Variants in ETV1 observed in about 807,000 individuals in gnomAD.
ETV1 encodes the protein ETS variant transcription factor 1.
ETV1 carries 27 observed loss-of-function variants against 62.3 expected under a neutral mutation model. That is an observed-to-expected ratio of 0.43 (90% confidence interval 0.32 to 0.60). The LOEUF (loss-of-function observed/expected upper bound fraction) is 0.60, where lower values mean the gene tolerates loss of function less well. Among genes scored for constraint, ETV1 ranks in the 20% least tolerant of loss-of-function variants. The pLI, the probability that ETV1 is intolerant of heterozygous loss-of-function variation, is 0.06. For synonymous variants in ETV1, 222 were observed against 199.6 expected, an observed-to-expected ratio of 1.11 and a Z score of -0.94; for missense variants, 605 against 605.8, an observed-to-expected ratio of 1.00 and a Z score of 0.01.
chr7:13,932,423 T>G (rs1786294976), intron 8 of ETV1, among the ~76,000 whole-genome samples: 1 of 152,160 alleles, frequency 6.6e-6, no homozygotes, highest in Non-Finnish European at 1.5e-5. Flanking sequence ...CATATTGGCT[T>G]CCAATAGATT....
intron 6 of ETV1, among the ~76,000 whole-genome samples, chr7:13,972,928 A>C (rs1781049411): frequency 6.6e-6 from 1 of 152,112 alleles, no homozygotes; most frequent in African/African-American, 2.4e-5. Flanking sequence ...ACTTATTTTT[A>C]ATGCCTATAC....
At chr7:13,971,288 A>C (rs1780883055) in intron 6 of ETV1, among the ~76,000 whole-genome samples, 1 of 152,072 alleles carries the variant, frequency 6.6e-6, no homozygotes, top group East Asian at 1.9e-4. Flanking sequence ...TATTCTTAAA[A>C]CCAGAAATTC....
chr7:13,942,569 T>C (rs1787679618), intron 6 of ETV1, among the ~76,000 whole-genome samples: 1 of 152,036 alleles, frequency 6.6e-6, no homozygotes, highest in South Asian at 2.1e-4. Context: ...CCACCCTCCA[T>C]CCTCAAGTAG....
chr7:13,895,485 T>C lies in ETV1; in HGVS notation c.*381A>G. On this transcript the variant is annotated 3_prime_UTR_variant, in exon 14 of 14. Coordinates refer to ENST00000430479, the MANE Select transcript of ETV1 (RefSeq NM_004956.5). ...TATTTACACAACGTGAAATTAACTG[T>C]ACCATAGATACCCCGATAAAATAAA... 3.8e-6 allele frequency: 1 copy of C among 259,948 alleles called. No homozygotes were observed. The highest frequency in any genetic ancestry group is 7.5e-6 in the Non-Finnish European group (1 of 133,188). 16.1% of individuals were successfully genotyped at this position (259,948 alleles called of 1,614,324 possible). A position where few individuals can be genotyped will look rare whatever the true frequency, so the allele number is the denominator to read the frequency against.
intron 5 of ETV1, among the ~76,000 whole-genome samples, chr7:13,981,775 C>T (rs1782016559): frequency 1.3e-5 from 2 of 151,950 alleles, no homozygotes; most frequent in Non-Finnish European, 2.9e-5. Context: ...TAGCATTTCT[C>T]TTTGAATCAA....
At chr7:13,985,879 C>T (rs544845062) in intron 5 of ETV1, among the ~76,000 whole-genome samples, 5 of 152,078 alleles carry the variant, frequency 3.3e-5, no homozygotes, top group East Asian at 1.9e-4. Context: ...AAGTTGCATA[C>T]GATAAAAGAT....
At chr7:13,949,938 ATGCCAC>A (rs1788605163) in intron 6 of ETV1, among the ~76,000 whole-genome samples, 1 of 152,176 alleles carries the variant, frequency 6.6e-6, no homozygotes, top group African/African-American at 2.4e-5. Flanking sequence ...TAAAACAAAA[ATGCCAC>A]CAAGTTTTAA....
At chr7:13,952,247 A>G (rs1312051438) in intron 6 of ETV1, among the ~76,000 whole-genome samples, 1 of 152,146 alleles carries the variant, frequency 6.6e-6, no homozygotes, top group Non-Finnish European at 1.5e-5. Flanking sequence ...CCTAATCTGC[A>G]AGCTGAAGCC....
At chr7:13,981,592 T>C (rs1782001766) in intron 5 of ETV1, among the ~76,000 whole-genome samples, 1 of 151,934 alleles carries the variant, frequency 6.6e-6, no homozygotes, top group Non-Finnish European at 1.5e-5. Flanking sequence ...GAGTAACTTG[T>C]TACAGAAACT....
At chr7:13,989,177 A>AAC in intron 2 of ETV1, 38 bp from the exon 3 acceptor site, 1 of 756,404 alleles carries the variant, frequency 1.3e-6, no homozygotes, top group South Asian at 1.8e-5. Flanking sequence ...CTTAAAAAAA[A>AAC]ATCATGAATG....
At chr7:13,940,827 A>T (rs537917947) in intron 6 of ETV1, among the ~76,000 whole-genome samples, 1 of 152,314 alleles carries the variant, frequency 6.6e-6, no homozygotes, top group African/African-American at 2.4e-5. Context: ...TCAGGAAAAC[A>T]AATACTATTT....
At chr7:13,975,054 A>G (rs943878695) in intron 6 of ETV1, 5 of 152,256 alleles carry the variant, frequency 3.3e-5, no homozygotes, top group Non-Finnish European at 7.3e-5. Context: ...GTGCTGACCA[A>G]TACAGTAGCC....
At position 13,986,795 on chromosome 7, in the gene ETV1, A is replaced by G. The variant is rs569377317; in HGVS notation, c.134-110T>C. On this transcript the variant is annotated intron_variant, in intron 4 of 13. Coordinates refer to ENST00000430479, the MANE Select transcript of ETV1 (RefSeq NM_004956.5). ...TTAAATATAAATTTAATTTCAAGAG[A>G]CGCAGTCAACATAAAAATAAAAAAA... The G allele has an allele frequency of 8.5e-4, 690 of 808,538 alleles. 2 individuals are homozygous for G. Among genetic ancestry groups the G allele is most frequent in the Non-Finnish European group, 1.1e-4 (59 of 521,890 alleles). 50.1% of individuals were successfully genotyped at this position (808,538 alleles called of 1,614,324 possible). A position where few individuals can be genotyped will look rare whatever the true frequency, so the allele number is the denominator to read the frequency against.
chr7:13,900,804 T>G lies in ETV1; in HGVS notation c.1146A>C (p.Pro382=), dbSNP rs1203373645. 2.5e-6 allele frequency: 4 copies of G among 1,611,048 alleles called. No homozygotes were observed. The highest frequency in any genetic ancestry group is 2.7e-5 in the African/African-American group (2 of 74,912). ...GGCTAAGTTTATCATAGTTCATAGC[T>G]GGCCTGTTTTTCTGAATGCCCCAAC... is the stretch of plus-strand genomic sequence containing the variant. ...ARRWGIQKNR[P]AMNYDKLSRS... Residue 382 remains proline, a synonymous_variant, in exon 13 of 14, where the codon CCA becomes CCC. Transcript: ENST00000430479.
intron 6 of ETV1, among the ~76,000 whole-genome samples, chr7:13,940,372 GAAAA>G (rs749894188): frequency 3.2e-3 from 213 of 66,728 alleles, no homozygotes; most frequent in Non-Finnish European, 5.8e-3. Flanking sequence ...AAAAAAAAAA[GAAAA>G]AAAAGAAAAA....
intron 7 of ETV1, among the ~76,000 whole-genome samples, chr7:13,937,673 C>T (rs1255801199): frequency 6.6e-6 from 1 of 152,184 alleles, no homozygotes; most frequent in Non-Finnish European, 1.5e-5. Context: ...TGTGGATACA[C>T]AGTACTTGTA....
intron 6 of ETV1, among the ~76,000 whole-genome samples, chr7:13,956,939 G>C (rs1012943245): frequency 2.0e-5 from 3 of 152,074 alleles, no homozygotes; most frequent in African/African-American, 7.2e-5. Context: ...AAAAAATTAA[G>C]ATGTGATTAT....
intron 5 of ETV1, among the ~76,000 whole-genome samples, chr7:13,983,417 T>A (rs1782197859): frequency 6.6e-6 from 1 of 151,976 alleles, no homozygotes; most frequent in Admixed American, 6.6e-5. Context: ...ACTATGACTT[T>A]CAGGTTGTTA....
chr7:13,917,103 G>A (rs1251147172), intron 9 of ETV1, among the ~76,000 whole-genome samples: 2 of 151,970 alleles, frequency 1.3e-5, no homozygotes, highest in Non-Finnish European at 2.9e-5. Context: ...TCTCTTGTAA[G>A]CACCTGGGGT....
Sources: allele counts gnomAD v4.1 joint callset (sites outside exome capture counted in the v4.1 genomes callset), GRCh38; gene constraint gnomAD v4.1.1; transcripts MANE v1.5; gene names NCBI Gene and HGNC (gene_info 2026-07-23, HGNC 2026-07-21).